The following TTC17 variants were observed in gnomAD, a reference collection of about 807,000 sequenced individuals.
TTC17 encodes the protein tetratricopeptide repeat protein 17.
TTC17 carries 58 observed loss-of-function variants against 143.8 expected under a neutral mutation model. The observed-to-expected ratio is 0.40, with a 90% CI of 0.33 to 0.50. The LOEUF (loss-of-function observed/expected upper bound fraction) is 0.50, where lower values mean the gene tolerates loss of function less well. TTC17 is among the 20% of genes least tolerant of loss of function. The pLI, the probability that TTC17 is intolerant of heterozygous loss-of-function variation, is 0.49. For missense variants in TTC17, 1,273 were observed against 1,392.5 expected, an observed-to-expected ratio of 0.91 and a Z score of 1.37; for synonymous variants, 501 against 497.8, an observed-to-expected ratio of 1.01 and a Z score of -0.09.
At chr11:43,481,840 C>T (rs1025400259) in intron 21 of TTC17, among the ~76,000 whole-genome samples, 7 of 151,956 alleles carry the variant, frequency 4.6e-5, no homozygotes, top group East Asian at 3.9e-4. Context: ...GACAGAGTCT[C>T]GCTCTGTCGC....
chr11:43,397,944 G>GTGTT (rs1857682299), intron 7 of TTC17, 30 bp from the exon 8 acceptor site: 1 of 1,394,230 alleles, frequency 7.2e-7, no homozygotes, highest in African/African-American at 2.0e-5. Flanking sequence ...GTGTGTGTGT[G>GTGTT]TGTGTGTATG....
At chr11:43,373,020 GCT>G (rs1189795780) in intron 1 of TTC17, among the ~76,000 whole-genome samples, 1 of 152,000 alleles carries the variant, frequency 6.6e-6, no homozygotes, top group Non-Finnish European at 1.5e-5. Context: ...TACCTACAAA[GCT>G]CTGTGTTTGT....
intron 21 of TTC17, among the ~76,000 whole-genome samples, chr11:43,479,816 TAGGGTTTTC>T (rs1948252894): frequency 6.6e-6 from 1 of 151,934 alleles, no homozygotes; most frequent in African/African-American, 2.4e-5. Flanking sequence ...AGCAAGTGAT[TAGGGTTTTC>T]AGAATTTAGA....
chr11:43,441,916 T>A (rs1015452583), intron 16 of TTC17, among the ~76,000 whole-genome samples: 2 of 152,292 alleles, frequency 1.3e-5, no homozygotes, highest in South Asian at 2.1e-4. Context: ...ACAGCATGAA[T>A]TTTTTCCAAT....
At chr11:43,414,997 C>G (rs1430321474) in intron 16 of TTC17, among the ~76,000 whole-genome samples, 3 of 152,158 alleles carry the variant, frequency 2.0e-5, no homozygotes, top group Non-Finnish European at 2.9e-5. Context: ...GAAAGGCTAA[C>G]TAAAATATGT....
At chr11:43,437,841 C>G (rs1446234767) in intron 16 of TTC17, among the ~76,000 whole-genome samples, 2 of 152,274 alleles carry the variant, frequency 1.3e-5, no homozygotes, top group East Asian at 3.9e-4. Flanking sequence ...TCCCTGTTTG[C>G]TTTTCTGGGT....
At chr11:43,413,706 G>GAA (rs756140204) in intron 15 of TTC17, among the ~76,000 whole-genome samples, 1 of 138,662 alleles carries the variant, frequency 7.2e-6, no homozygotes. Flanking sequence ...ATAGGCACCT[G>GAA]AAAAAAAAAA....
intron 21 of TTC17, among the ~76,000 whole-genome samples, chr11:43,478,419 T>C (rs1382989345): frequency 1.3e-5 from 2 of 152,136 alleles, no homozygotes; most frequent in Non-Finnish European, 2.9e-5. Flanking sequence ...CATAAGCTTA[T>C]GTTCTAAACA....
At chr11:43,396,681 T>A (rs777831076) in intron 5 of TTC17, 28 bp from the exon 6 acceptor site, 2 of 1,381,882 alleles carry the variant, frequency 1.4e-6, no homozygotes, top group East Asian at 2.3e-5. Flanking sequence ...TTGAGTCGTG[T>A]TTGTAATTTT....
At position 43,494,534 on chromosome 11, in the gene TTC17, A is replaced by T. The variant is rs530216384; in HGVS notation, c.*630A>T. ...TCACCTGACCTTTGTAATGTTATTT[A>T]TGTTGGGGAGGGAGGGGGGCTGAGA... On this transcript the variant is annotated 3_prime_UTR_variant, in exon 24 of 24. Coordinates refer to ENST00000039989, the MANE Select transcript of TTC17 (RefSeq NM_018259.6). 6.6e-6 allele frequency: 1 copy of T among 152,114 alleles called. No homozygotes were observed. Among genetic ancestry groups the T allele is most frequent in the African/African-American group, 2.4e-5 (1 of 41,510 alleles). 9.4% of individuals were successfully genotyped at this position (152,114 alleles called of 1,614,324 possible). A position where few individuals can be genotyped will look rare whatever the true frequency, so the allele number is the denominator to read the frequency against.
At chr11:43,467,306 A>T (rs2134816316) in intron 21 of TTC17, among the ~76,000 whole-genome samples, 1 of 152,362 alleles carries the variant, frequency 6.6e-6, no homozygotes, top group Admixed American at 6.5e-5. Context: ...GATAAACAAA[A>T]TATGGGATAT....
chr11:43,436,104 A>G lies in TTC17; in HGVS notation c.2252-7221A>G, dbSNP rs1217186893. The G allele has an allele frequency of 3.3e-6, 4 of 1,226,404 alleles. No individual in the cohort carries two copies. The East Asian group carries it at 1.2e-4, about 38-fold the overall frequency. 76.0% of individuals were successfully genotyped at this position (1,226,404 alleles called of 1,614,324 possible). ...TCTTCTTGATATTTTAGGACCTTGTACTGTAGTACTACACGAGAGATATTT... is the reference window on the plus strand; with the variant it reads ...TCTTCTTGATATTTTAGGACCTTGTGCTGTAGTACTACACGAGAGATATTT... On this transcript the variant is annotated intron_variant, in intron 16 of 23. Coordinates refer to ENST00000039989, the MANE Select transcript of TTC17 (RefSeq NM_018259.6).
chr11:43,486,447 A>G (rs1169559096), intron 21 of TTC17: 1 of 453,198 alleles, frequency 2.2e-6, no homozygotes, highest in East Asian at 6.9e-5. Flanking sequence ...ATGTATCCCT[A>G]TCAGGTAGGA....
At chr11:43,470,318 T>C (rs1948068569) in intron 21 of TTC17, among the ~76,000 whole-genome samples, 1 of 152,188 alleles carries the variant, frequency 6.6e-6, no homozygotes, top group African/African-American at 2.4e-5. Flanking sequence ...TTCTGCCAAG[T>C]GTCAGTTCAG....
chr11:43,416,732 C>A (rs1946788278), intron 16 of TTC17, among the ~76,000 whole-genome samples: 3 of 151,940 alleles, frequency 2.0e-5, no homozygotes, highest in Admixed American at 6.6e-5. Context: ...ATATTTAGTA[C>A]CTTTTACATT....
rs748624438 is a variant in TTC17 at position 43,389,794 on chromosome 11, A to G, written c.392A>G (p.Tyr131Cys). 1 of 1,610,016 alleles carries G rather than the reference A, an allele frequency of 6.2e-7. No individual in the cohort carries two copies. Among genetic ancestry groups the G allele is most frequent in the Non-Finnish European group, 8.5e-7 (1 of 1,179,038 alleles). The change falls in exon 3 of 24, where the codon TAC (tyrosine) becomes TGC (cysteine). Residue 131 changes from tyrosine to cysteine, a missense_variant. By Grantham distance (194) the Tyr-to-Cys change is radical. This residue lies in a region of TTC17 where 325 missense variants were observed against 444.2 expected (regional missense o/e 0.73). Coordinates refer to ENST00000039989, the MANE Select transcript of TTC17 (RefSeq NM_018259.6). ...GACCTGGATCTATATGATGGCACAT[A>G]CATAACTTTGGAGAGCAAAGACATC... ...LGDLDLYDGT[Y>C]ITLESKDISP...
chr11:43,404,596 G>A (rs1858026786), intron 11 of TTC17, among the ~76,000 whole-genome samples: 3 of 152,182 alleles, frequency 2.0e-5, no homozygotes, highest in Non-Finnish European at 4.4e-5. Flanking sequence ...GTTAGTACAT[G>A]TGCCTGTCTA....
At chr11:43,437,780 C>G (rs1947324866) in intron 16 of TTC17, among the ~76,000 whole-genome samples, 1 of 152,134 alleles carries the variant, frequency 6.6e-6, no homozygotes, top group Non-Finnish European at 1.5e-5. Flanking sequence ...AACATCTGTT[C>G]AGTTCAAGGG....
At chr11:43,383,401 G>A (rs564691488) in intron 2 of TTC17, among the ~76,000 whole-genome samples, 10 of 152,068 alleles carry the variant, frequency 6.6e-5, no homozygotes, top group Non-Finnish European at 1.0e-4. Context: ...CCCCAGGCTG[G>A]GGTGCGATGG....
Sources: gnomAD v4.1 joint callset for allele counts (sites outside exome capture counted in the v4.1 genomes callset) on GRCh38, gnomAD v4.1.1 for gene constraint, gnomAD v4.1.1 regional missense constraint, MANE v1.5 for transcripts, NCBI Gene and HGNC (gene_info 2026-07-23, HGNC 2026-07-21) for gene names.